KALRN: variants seen among roughly 807,000 people sequenced by gnomAD.
The protein encoded by KALRN is kalirin.
In KALRN, 70 loss-of-function variants were observed where a neutral mutation model predicts 353.7. The observed-to-expected ratio is 0.20, with a 90% CI of 0.16 to 0.24. The LOEUF (loss-of-function observed/expected upper bound fraction) is 0.24, where lower values mean the gene tolerates loss of function less well. Among genes scored for constraint, KALRN ranks in the 10% least tolerant of loss-of-function variants. KALRN has a pLI of 1.00. For missense variants in KALRN, 2,791 were observed against 3,756.7 expected, an observed-to-expected ratio of 0.74 and a Z score of 6.72; for synonymous variants, 1,391 against 1,434.8, an observed-to-expected ratio of 0.97 and a Z score of 0.69.
At chr3:124,426,833 A>G (rs575219402) in intron 15 of KALRN, among the ~76,000 whole-genome samples, 38 of 152,344 alleles carry the variant, frequency 2.5e-4, no homozygotes, top group Admixed American at 1.8e-3. Context: ...TAGACAATTC[A>G]GAAAGATTTG....
intron 1 of KALRN, among the ~76,000 whole-genome samples, chr3:124,064,662 A>G (rs924367011): frequency 6.6e-6 from 1 of 152,160 alleles, no homozygotes; most frequent in Non-Finnish European, 1.5e-5. Context: ...TGGTCATTGT[A>G]TGAGCAGATT....
chr3:124,381,881 G>A (rs1478756182), intron 10 of KALRN, among the ~76,000 whole-genome samples: 1 of 152,156 alleles, frequency 6.6e-6, no homozygotes, highest in Non-Finnish European at 1.5e-5. Flanking sequence ...TGTGATGATG[G>A]CTGTGGGGTG....
intron 1 of KALRN, among the ~76,000 whole-genome samples, chr3:124,144,517 CCTT>C (rs1285473237): frequency 6.6e-6 from 1 of 151,974 alleles, no homozygotes; most frequent in Non-Finnish European, 1.5e-5. Context: ...TCATTGTCCT[CCTT>C]CTCCTCTTCC....
At chr3:124,630,543 T>C (rs2080653242) in intron 34 of KALRN, among the ~76,000 whole-genome samples, 1 of 152,140 alleles carries the variant, frequency 6.6e-6, no homozygotes. Context: ...ATTGCAGGCA[T>C]GAGGCACCAC....
At chr3:124,535,089 C>T (rs897892146) in intron 33 of KALRN, among the ~76,000 whole-genome samples, 2 of 151,796 alleles carry the variant, frequency 1.3e-5, no homozygotes, top group African/African-American at 4.8e-5. Flanking sequence ...CTATGAGACC[C>T]TGTCTCAAAA....
intron 3 of KALRN, among the ~76,000 whole-genome samples, chr3:124,249,203 T>C (rs915250852): frequency 6.6e-6 from 1 of 152,196 alleles, no homozygotes; most frequent in Non-Finnish European, 1.5e-5. Context: ...TTGGCTGAAT[T>C]TGCAGATTAA....
chr3:124,040,366 C>T (rs1577464617), intron 1 of KALRN, among the ~76,000 whole-genome samples: 1 of 152,108 alleles, frequency 6.6e-6, no homozygotes, highest in East Asian at 1.9e-4. Context: ...TGGTATAGCC[C>T]AGTGGTTCTC....
intron 8 of KALRN, among the ~76,000 whole-genome samples, 186 bp downstream of exon 8, chr3:124,330,178 C>G (rs1216027857): frequency 6.6e-6 from 1 of 151,240 alleles, no homozygotes; most frequent in African/African-American, 2.4e-5. Context: ...AGCCAGGAAG[C>G]AGAAAAAATT....
At chr3:124,448,305 C>T (rs1340749775) in intron 21 of KALRN, among the ~76,000 whole-genome samples, 1 of 152,102 alleles carries the variant, frequency 6.6e-6, no homozygotes. Context: ...TCCTTCCAAT[C>T]CACCCTGTCC....
chr3:124,263,598 A>G (rs1409401170), intron 3 of KALRN, among the ~76,000 whole-genome samples: 1 of 152,224 alleles, frequency 6.6e-6, no homozygotes, highest in East Asian at 1.9e-4. Context: ...TTTAAAAAAA[A>G]AAAAAGTAAA....
intron 3 of KALRN, among the ~76,000 whole-genome samples, chr3:124,255,113 T>A (rs1035443928): frequency 2.0e-5 from 3 of 152,036 alleles, no homozygotes; most frequent in Admixed American, 1.3e-4. Flanking sequence ...ACCCAGCTAA[T>A]TTTGTATTTT....
chr3:124,516,963 G>A (rs1010710417), intron 33 of KALRN, among the ~76,000 whole-genome samples: 37 of 152,020 alleles, frequency 2.4e-4, no homozygotes, highest in Middle Eastern at 6.8e-3. Context: ...GATTACAGGC[G>A]CCTGCCACCA....
intron 1 of KALRN, among the ~76,000 whole-genome samples, chr3:124,157,848 A>G (rs2069242323): frequency 1.3e-5 from 2 of 151,834 alleles, no homozygotes; most frequent in African/African-American, 4.8e-5. Context: ...AGAAAATTCC[A>G]CCTCTGCCCC....
chr3:124,489,324 A>T (rs1230332035), intron 29 of KALRN, among the ~76,000 whole-genome samples: 1 of 150,936 alleles, frequency 6.6e-6, no homozygotes, highest in Admixed American at 6.6e-5. Context: ...AAAAACAAAC[A>T]AACAAAAAGA....
chr3:124,638,825 A>C (rs557408765), intron 37 of KALRN, among the ~76,000 whole-genome samples: 1 of 152,176 alleles, frequency 6.6e-6, no homozygotes, highest in African/African-American at 2.4e-5. Flanking sequence ...GAGCCTCTTT[A>C]TATCATTTTA....
intron 13 of KALRN, among the ~76,000 whole-genome samples, chr3:124,403,207 C>A (rs1400300085): frequency 2.6e-5 from 4 of 152,134 alleles, no homozygotes; most frequent in Non-Finnish European, 4.4e-5. Flanking sequence ...GACTCCAGCA[C>A]CAGTCTACTA....
At chr3:124,152,038 TTTC>T (rs2068177196) in intron 1 of KALRN, 1 of 1,465,932 alleles carries the variant, frequency 6.8e-7, no homozygotes, top group African/African-American at 1.4e-5. Context: ...GGATGGTCTT[TTTC>T]TTCATTCTGT....
At chr3:124,143,857 A>G (rs2066945235) in intron 1 of KALRN, among the ~76,000 whole-genome samples, 1 of 152,192 alleles carries the variant, frequency 6.6e-6, no homozygotes, top group African/African-American at 2.4e-5. Flanking sequence ...AGTGGGGCAT[A>G]TATCCTAAAT....
At chr3:124,307,962 A>C (rs979427929) in intron 6 of KALRN, among the ~76,000 whole-genome samples, 1 of 152,046 alleles carries the variant, frequency 6.6e-6, no homozygotes, top group Non-Finnish European at 1.5e-5. Context: ...AAGTAAAAGG[A>C]TAGAAAAACA....
Sources: gnomAD v4.1 joint callset for allele counts (sites outside exome capture counted in the v4.1 genomes callset) on GRCh38, gnomAD v4.1.1 for gene constraint, MANE v1.5 for transcripts, NCBI Gene and HGNC (gene_info 2026-07-23, HGNC 2026-07-21) for gene names.